RNF24: variants seen among roughly 807,000 people sequenced by gnomAD.
RNF24 encodes ring finger protein 24.
A neutral mutation model predicts 20.0 loss-of-function variants in RNF24; 14 were observed. The observed-to-expected ratio is 0.70, with a 90% CI of 0.46 to 1.10. The LOEUF is 1.10. Among genes scored for constraint, RNF24 ranks in the 50% least tolerant of loss-of-function variants. The probability of loss-of-function intolerance (pLI) is 0.00; values close to 1 mark genes in which losing one functional copy is unlikely to be tolerated. For missense variants in RNF24, 124 were observed against 177.6 expected (o/e 0.70, Z 1.71); for synonymous variants, 45 against 61.1 (o/e 0.74, Z 1.23).
chr20:3,930,216 T>TAA lies in RNF24; in HGVS notation c.*3845_*3846dup, dbSNP rs1176598829. ...TGAATGGATTACCTATTCAAAACAT[T>TAA]AAGAAAGAAATATTCAGCACTGAAC... is the stretch of plus-strand genomic sequence containing the variant. On this transcript the variant is annotated 3_prime_UTR_variant, in exon 6 of 6. Transcript: ENST00000358395. 1.3e-5 allele frequency: 2 copies of TAA among 152,094 alleles called. No individual in the cohort carries two copies. Among genetic ancestry groups the TAA allele is most frequent in the Non-Finnish European group, 2.9e-5 (2 of 68,022 alleles). The allele number at this position is 152,094 out of a possible 1,614,324, so 9.4% of individuals were successfully genotyped here.
chr20:3,947,142 T>C (rs241640), intron 3 of RNF24, among the ~76,000 whole-genome samples: 47,347 of 152,060 alleles, frequency 0.31, 8,096 homozygotes, highest in African/African-American at 0.46. Flanking sequence ...TGCATTGAGC[T>C]GAGATCTTGC....
chr20:3,949,421 C>T (rs1366270083), intron 2 of RNF24, among the ~76,000 whole-genome samples: 1 of 151,816 alleles, frequency 6.6e-6, no homozygotes, highest in Non-Finnish European at 1.5e-5. Context: ...CACAGTGGCT[C>T]ATGCCTGTAA....
Position 3,935,086 on chromosome 20 carries a change from T to A in RNF24, c.229-13A>T. The A allele has an allele frequency of 6.2e-7, 1 of 1,612,964 alleles. No individual in the cohort carries two copies. The highest frequency in any genetic ancestry group is 8.5e-7 in the Non-Finnish European group (1 of 1,179,214). On this transcript the variant is annotated splice_polypyrimidine_tract_variant and intron_variant, in intron 4 of 5. Transcript: ENST00000358395. The stretch of plus-strand genomic sequence containing the variant: ...ACACTGCACAGAGCTGAAAGACAAA[T>A]GCACAAATGAAGCCAAGTGTCTGTT...
chr20:3,951,580 T>G (rs1367047097), intron 2 of RNF24, among the ~76,000 whole-genome samples: 2 of 152,238 alleles, frequency 1.3e-5, no homozygotes. Flanking sequence ...CTGGAAATCT[T>G]CTATAAGGAA....
intron 1 of RNF24, among the ~76,000 whole-genome samples, chr20:3,998,937 G>A (rs1019574600): frequency 6.6e-6 from 1 of 151,462 alleles, no homozygotes; most frequent in Admixed American, 6.6e-5. Flanking sequence ...AAAATTAGCC[G>A]GGCGTGGTGG....
chr20:3,983,887 G>A (rs1979643755), intron 1 of RNF24, among the ~76,000 whole-genome samples: 1 of 146,444 alleles, frequency 6.8e-6, no homozygotes, highest in Admixed American at 7.1e-5. Flanking sequence ...GCTGCAGTGA[G>A]CCGAGATCGC....
intron 2 of RNF24, among the ~76,000 whole-genome samples, chr20:3,951,142 A>T (rs930716637): frequency 2.0e-5 from 3 of 152,140 alleles, no homozygotes; most frequent in Admixed American, 6.6e-5. Context: ...TATTTTTAGT[A>T]GAGATAGGAT....
At chr20:3,983,931 AC>A (rs1256692161) in intron 1 of RNF24, among the ~76,000 whole-genome samples, 1 of 123,792 alleles carries the variant, frequency 8.1e-6, no homozygotes, top group African/African-American at 3.2e-5. Flanking sequence ...ACAGAGTGAG[AC>A]TTGGTCTCAA....
At chr20:3,979,580 C>A (rs1979210197) in intron 1 of RNF24, among the ~76,000 whole-genome samples, 1 of 152,126 alleles carries the variant, frequency 6.6e-6, no homozygotes, top group Non-Finnish European at 1.5e-5. Flanking sequence ...GAGGCTGAGG[C>A]AGGAGAATCC....
chr20:4,007,941 C>T (rs1234672480), intron 1 of RNF24, among the ~76,000 whole-genome samples: 3 of 150,950 alleles, frequency 2.0e-5, no homozygotes, highest in African/African-American at 7.3e-5. Context: ...ACCCCCGCCC[C>T]CCACAAAACC....
Position 3,977,594 on chromosome 20 carries a change from G to A in RNF24, c.-7-13570C>T, listed in dbSNP as rs1978975940. ...TTTAAAAAGGCTCTAGGCCAGGCAT[G>A]GTGGCTCACGCCTGTAATCCCAGGA... On this transcript the variant is annotated intron_variant, in intron 1 of 5. Coordinates refer to ENST00000358395, the MANE Select transcript of RNF24 (RefSeq NM_001134337.3). Among the ~76,000 whole-genome samples the A allele has an allele frequency of 1.3e-5, 2 of 152,128 alleles. 1 individual carries two copies. The highest frequency in any genetic ancestry group is 4.1e-4 in the South Asian group (2 of 4,824).
intron 4 of RNF24, among the ~76,000 whole-genome samples, chr20:3,943,185 CAAAT>C (rs1182317322): frequency 6.6e-6 from 1 of 152,036 alleles, no homozygotes; most frequent in Non-Finnish European, 1.5e-5. Context: ...AACAGAGCTT[CAAAT>C]AAATAAATAG....
intron 1 of RNF24, among the ~76,000 whole-genome samples, chr20:4,008,507 C>CT (rs1355099992): frequency 6.9e-5 from 6 of 87,488 alleles, no homozygotes; most frequent in Non-Finnish European, 1.3e-4. Flanking sequence ...ATATATTATA[C>CT]ATATTATATA....
chr20:4,008,346 C>T (rs6037719), intron 1 of RNF24, among the ~76,000 whole-genome samples: 26,259 of 35,282 alleles, frequency 0.74, 10,419 homozygotes, highest in Non-Finnish European at 0.83. Flanking sequence ...ATATATTATA[C>T]ATGTAATATG....
intron 1 of RNF24, among the ~76,000 whole-genome samples, chr20:3,997,626 A>G (rs1980996910): frequency 3.3e-5 from 5 of 151,780 alleles, no homozygotes; most frequent in Admixed American, 2.0e-4. Flanking sequence ...GGGTTTCCCT[A>G]TGTTTCCCAG....
At chr20:3,971,727 C>A (rs778713891) in intron 1 of RNF24, among the ~76,000 whole-genome samples, 30 of 151,780 alleles carry the variant, frequency 2.0e-4, no homozygotes, top group Non-Finnish European at 4.3e-4. Flanking sequence ...CAAAACACTA[C>A]AAAAAATCAA....
At chr20:4,007,644 C>A (rs1981981695) in intron 1 of RNF24, among the ~76,000 whole-genome samples, 1 of 150,468 alleles carries the variant, frequency 6.6e-6, no homozygotes, top group East Asian at 1.9e-4. Flanking sequence ...GTGGCTCCTG[C>A]CTGTAATCCT....
In RNF24 at chr20:3,975,773, A is replaced by C. The variant is rs139941460; in HGVS notation, c.-7-11749T>G. On this transcript the variant is annotated intron_variant, in intron 1 of 5. Transcript: ENST00000358395. ...AGAGATACAGGAGGAGAGAATGCTG[A>C]GTGATATAAGAAGCAGAGACTGAAG... Among the ~76,000 whole-genome samples, 1,044 of 152,292 alleles carry C rather than the reference A, an allele frequency of 6.9e-3. 10 individuals are homozygous for C. Among genetic ancestry groups the C allele is most frequent in the African/African-American group, 0.023 (975 of 41,560 alleles).
chr20:3,972,817 C>T (rs1393144480), intron 1 of RNF24, among the ~76,000 whole-genome samples: 2 of 151,958 alleles, frequency 1.3e-5, no homozygotes, highest in African/African-American at 2.4e-5. Flanking sequence ...GCACGAGGAT[C>T]GCTTGAATCC....
Sources: allele counts gnomAD v4.1 joint callset (sites outside exome capture counted in the v4.1 genomes callset), GRCh38; gene constraint gnomAD v4.1.1; transcripts MANE v1.5; gene names NCBI Gene and HGNC (gene_info 2026-07-23, HGNC 2026-07-21).